The following TUSC3 variants were observed in gnomAD, a reference collection of about 807,000 sequenced individuals.
TUSC3 encodes the protein tumor suppressor candidate 3, also known as dolichyl-diphosphooligosaccharide--protein glycosyltransferase subunit TUSC3.
Under a neutral mutation model 44.8 loss-of-function variants are expected in TUSC3, and 45 were observed. That is an observed-to-expected ratio of 1.00 (90% CI 0.79 to 1.29). TUSC3 has a LOEUF of 1.29. Ranked by LOEUF, TUSC3 falls within the 50% of genes most tolerant of loss-of-function variation. TUSC3 has a pLI of 0.00. For synonymous variants in TUSC3, 212 were observed against 152.9 expected, an observed-to-expected ratio of 1.39 and a Z score of -2.85; for missense variants, 519 against 437.9, an observed-to-expected ratio of 1.19 and a Z score of -1.65.
At chr8:15,464,787 A>G (rs980032) in intron 1 of TUSC3, among the ~76,000 whole-genome samples, 74,363 of 152,050 alleles carry the variant, frequency 0.49, 18,582 homozygotes, top group East Asian at 0.61. Context: ...TTTGTGAGGC[A>G]CATAATGGCT....
chr8:15,477,984 G>T (rs1383023546), intron 1 of TUSC3, among the ~76,000 whole-genome samples: 1 of 151,956 alleles, frequency 6.6e-6, no homozygotes, highest in Non-Finnish European at 1.5e-5. Flanking sequence ...TTTTGACACA[G>T]TCTCGTTCTG....
At chr8:15,524,630 T>G (rs1801349095) in intron 2 of TUSC3, among the ~76,000 whole-genome samples, 2 of 152,226 alleles carry the variant, frequency 1.3e-5, no homozygotes, top group Non-Finnish European at 2.9e-5. Flanking sequence ...CATGTGTGAC[T>G]TCCTTGTTCC....
intron 6 of TUSC3, among the ~76,000 whole-genome samples, chr8:15,714,608 T>A (rs1165587488): frequency 1.3e-5 from 2 of 152,170 alleles, no homozygotes; most frequent in Non-Finnish European, 2.9e-5. Flanking sequence ...TTAATCCAGA[T>A]ATTTCAGTAC....
the TUSC3 span, among the ~76,000 whole-genome samples, chr8:15,839,566 G>A: frequency 6.6e-6 from 1 of 152,132 alleles, no homozygotes; most frequent in East Asian, 1.9e-4. Context: ...AGTGGGTGAA[G>A]GATATGAACA....
intron 1 of TUSC3, among the ~76,000 whole-genome samples, chr8:15,545,441 A>T (rs1374679891): frequency 6.6e-6 from 1 of 151,406 alleles, no homozygotes; most frequent in Non-Finnish European, 1.5e-5. Flanking sequence ...TCTTTATTAA[A>T]CTCAAAAGTA....
In TUSC3 at chr8:15,727,434, T is replaced by C. The variant is rs186807109; in HGVS notation, c.799-3232T>C. 5.9e-5 allele frequency among the ~76,000 whole-genome samples: 9 copies of C among 152,252 alleles called. No homozygotes were observed. In the East Asian group the frequency reaches 1.7e-3, roughly 29 times the overall value. On this transcript the variant is annotated intron_variant, in intron 6 of 10. Coordinates refer to ENST00000503731, the MANE Select transcript of TUSC3 (RefSeq NM_006765.4). ...TTTGTAAGCTGCTTGAGAATATAGG[T>C]ATTTTTTCCTATAACTGCTGGATTT...
chr8:15,485,823 A>G (rs4831726), intron 2 of TUSC3, among the ~76,000 whole-genome samples: 66,554 of 150,528 alleles, frequency 0.44, 14,788 homozygotes, highest in East Asian at 0.57. Context: ...GCAGAGTTTC[A>G]CTCTTGTTGC....
At chr8:15,636,169 G>C (rs958711226) in intron 2 of TUSC3, among the ~76,000 whole-genome samples, 3 of 152,040 alleles carry the variant, frequency 2.0e-5, no homozygotes, top group Admixed American at 6.5e-5. Context: ...TGTTTCTGAG[G>C]GGAAGCAGCC....
chr8:15,493,442 T>C (rs1382503851), intron 2 of TUSC3, among the ~76,000 whole-genome samples: 1 of 152,060 alleles, frequency 6.6e-6, no homozygotes, highest in Non-Finnish European at 1.5e-5. Context: ...TTTGTATTTT[T>C]TGCATAGACA....
At chr8:15,510,457 A>G (rs937945653) in intron 2 of TUSC3, among the ~76,000 whole-genome samples, 4 of 151,700 alleles carry the variant, frequency 2.6e-5, no homozygotes, top group Non-Finnish European at 4.4e-5. Context: ...AGGAAATATT[A>G]TATATAAATG....
intron 6 of TUSC3, among the ~76,000 whole-genome samples, chr8:15,691,404 T>G (rs1279845114): frequency 5.9e-5 from 9 of 152,192 alleles, no homozygotes; most frequent in Admixed American, 5.9e-4. Flanking sequence ...CAAGAAGCTT[T>G]TGGACAGAGA....
intron 1 of TUSC3, among the ~76,000 whole-genome samples, chr8:15,591,640 CT>C (rs1456544954): frequency 6.6e-6 from 1 of 152,114 alleles, no homozygotes; most frequent in Non-Finnish European, 1.5e-5. Flanking sequence ...TTGGGAAAAG[CT>C]TTATTTTTGA....
chr8:15,694,094 T>G (rs1000561247), intron 6 of TUSC3, among the ~76,000 whole-genome samples: 2 of 152,136 alleles, frequency 1.3e-5, no homozygotes, highest in Non-Finnish European at 2.9e-5. Flanking sequence ...TGAATCCTAG[T>G]GATCTTCGTT....
At chr8:15,696,436 C>T (rs1585241187) in intron 6 of TUSC3, among the ~76,000 whole-genome samples, 2 of 152,134 alleles carry the variant, frequency 1.3e-5, no homozygotes, top group South Asian at 4.1e-4. Context: ...AAGTTTGATG[C>T]AGGGGTGGGG....
chr8:15,840,251 A>G, the TUSC3 span, among the ~76,000 whole-genome samples: 1 of 152,148 alleles, frequency 6.6e-6, no homozygotes. Flanking sequence ...GAGGGAGGGA[A>G]AGCATTAGGA....
At chr8:15,745,285 T>C (rs1811363825) in intron 8 of TUSC3, among the ~76,000 whole-genome samples, 1 of 152,082 alleles carries the variant, frequency 6.6e-6, no homozygotes, top group Non-Finnish European at 1.5e-5. Flanking sequence ...TGCATGGGTC[T>C]TTTTGGTGGA....
At chr8:15,833,267 T>C in the TUSC3 span, among the ~76,000 whole-genome samples, 2 of 152,252 alleles carry the variant, frequency 1.3e-5, no homozygotes, top group African/African-American at 4.8e-5. Context: ...GATGGGAGTG[T>C]AAATTAGTTC....
chr8:15,545,904 T>C (rs1272063389), intron 1 of TUSC3, among the ~76,000 whole-genome samples: 1 of 151,788 alleles, frequency 6.6e-6, no homozygotes, highest in African/African-American at 2.4e-5. Flanking sequence ...TGTCAGACTA[T>C]CTCAGACTAT....
intron 1 of TUSC3, among the ~76,000 whole-genome samples, chr8:15,548,707 C>G (rs1034817437): frequency 2.0e-5 from 3 of 151,870 alleles, no homozygotes; most frequent in African/African-American, 7.2e-5. Flanking sequence ...TAAAATCATT[C>G]TACTAAGGGA....
Sources: allele counts gnomAD v4.1 joint callset (sites outside exome capture counted in the v4.1 genomes callset), GRCh38; gene constraint gnomAD v4.1.1; transcripts MANE v1.5; gene names NCBI Gene and HGNC (gene_info 2026-07-23, HGNC 2026-07-21).